Variants in ADARB2 observed in about 807,000 individuals in gnomAD.
ADARB2 encodes adenosine deaminase RNA specific B2 (inactive).
A neutral mutation model predicts 62.2 loss-of-function variants in ADARB2; 25 were observed. The observed-to-expected ratio is 0.40, with a 90% CI of 0.29 to 0.56. The LOEUF is 0.56. Ranked by LOEUF, ADARB2 falls within the 20% of genes least tolerant of loss-of-function variation. The pLI is 0.43. For synonymous variants in ADARB2, 572 were observed against 500.8 expected, an observed-to-expected ratio of 1.14 and a Z score of -1.90; for missense variants, 1,071 against 1,077.4, an observed-to-expected ratio of 0.99 and a Z score of 0.08.
At chr10:1,419,829 C>T (rs1832837814) in intron 1 of ADARB2, among the ~76,000 whole-genome samples, 1 of 152,198 alleles carries the variant, frequency 6.6e-6, no homozygotes, top group Non-Finnish European at 1.5e-5. Context: ...CGTTAGCTCT[C>T]ACATCTCTGC....
rs192135491 is a variant in ADARB2 at position 1,426,295 on chromosome 10, C to G, written c.101-47135G>C. On this transcript the variant is annotated intron_variant, in intron 1 of 9. Transcript: ENST00000381312. The surrounding 1 kb of genome is among the most constrained non-coding windows in gnomAD (Gnocchi z 4.1). ...GGCCTGCGTGGTCCTCTGAAATGTA[C>G]AGTTCTGTTGTCGTCACTGTGTATA... is the stretch of plus-strand genomic sequence containing the variant. 9.1e-4 allele frequency among the ~76,000 whole-genome samples: 138 copies of G among 152,282 alleles called. No individual in the cohort carries two copies. Among genetic ancestry groups the G allele is most frequent in the African/African-American group, 3.1e-3 (130 of 41,562 alleles).
intron 7 of ADARB2, among the ~76,000 whole-genome samples, chr10:1,206,062 C>G (rs1362412636): frequency 6.6e-6 from 1 of 152,194 alleles, no homozygotes; most frequent in South Asian, 2.1e-4. Context: ...CAGCCGCTTC[C>G]GATTATTTTC....
intron 8 of ADARB2, among the ~76,000 whole-genome samples, chr10:1,189,505 G>T (rs1194744162): frequency 6.6e-6 from 1 of 152,092 alleles, no homozygotes; most frequent in Non-Finnish European, 1.5e-5. Context: ...TGAAAGCCTG[G>T]CTTGTGTTTA....
At chr10:1,283,607 C>CATGT (rs1831388374) in intron 3 of ADARB2, among the ~76,000 whole-genome samples, 1 of 152,162 alleles carries the variant, frequency 6.6e-6, no homozygotes, top group Admixed American at 6.5e-5. Context: ...CTGTGTCCTT[C>CATGT]ATGTGGCTTA....
At chr10:1,556,881 T>A in intron 1 of ADARB2, 1 of 522,594 alleles carries the variant, frequency 1.9e-6, no homozygotes, top group South Asian at 1.4e-5. Flanking sequence ...GTTTGGTACC[T>A]GAATGAGGCC....
chr10:1,264,379 T>G (rs11250367), intron 4 of ADARB2, among the ~76,000 whole-genome samples: 3,664 of 152,318 alleles, frequency 0.024, 137 homozygotes, highest in African/African-American at 0.079. Flanking sequence ...AATAAACTCC[T>G]TATACTCCGC....
intron 1 of ADARB2, among the ~76,000 whole-genome samples, chr10:1,591,924 C>T (rs946767504): frequency 3.9e-5 from 6 of 152,192 alleles, no homozygotes; most frequent in African/African-American, 1.4e-4. Flanking sequence ...AACACAAGAT[C>T]GACCTCCGGC....
At chr10:1,716,544 A>T (rs1017474175) in intron 1 of ADARB2, among the ~76,000 whole-genome samples, 2 of 152,204 alleles carry the variant, frequency 1.3e-5, no homozygotes, top group African/African-American at 2.4e-5. Flanking sequence ...CCTCCAAAAC[A>T]GTTGTTTAAA....
At chr10:1,292,911 C>A (rs1250523644) in intron 3 of ADARB2, 1 of 143,542 alleles carries the variant, frequency 7.0e-6, no homozygotes, top group Non-Finnish European at 1.5e-5. Flanking sequence ...AATCCAAAGC[C>A]TTTGTTGCTA....
In ADARB2 at chr10:1,544,164, T is replaced by C. The variant is rs369816627; in HGVS notation, c.101-165004A>G. ...TCAGGACGGTCATGAAACCCCATGC[T>C]CTTGTTATGTGAATATTGAAAGCAA... On this transcript the variant is annotated intron_variant, in intron 1 of 9. Coordinates refer to ENST00000381312, the MANE Select transcript of ADARB2 (RefSeq NM_018702.4). Among the ~76,000 whole-genome samples, 10 of 152,168 alleles carry C rather than the reference T, an allele frequency of 6.6e-5. No individual in the cohort carries two copies. In the East Asian group the frequency reaches 1.5e-3, roughly 24 times the overall value.
chr10:1,269,822 G>T (rs963580946), intron 4 of ADARB2, among the ~76,000 whole-genome samples: 3 of 139,158 alleles, frequency 2.2e-5, no homozygotes, highest in Admixed American at 1.4e-4. Context: ...GTCACCTCCA[G>T]CAGGGATGAG....
chr10:1,451,299 A>G (rs969714403), intron 1 of ADARB2, among the ~76,000 whole-genome samples: 2 of 152,240 alleles, frequency 1.3e-5, no homozygotes, highest in African/African-American at 4.8e-5. Flanking sequence ...ACAGGGACAC[A>G]GGAGCGGTGT....
chr10:1,342,751 T>A (rs1245432599), intron 3 of ADARB2, among the ~76,000 whole-genome samples: 1 of 152,216 alleles, frequency 6.6e-6, no homozygotes, highest in African/African-American at 2.4e-5. Flanking sequence ...TGCAATGGGG[T>A]GACAAGCTGA....
chr10:1,463,856 C>A (rs1564297102), intron 1 of ADARB2, among the ~76,000 whole-genome samples: 1 of 151,958 alleles, frequency 6.6e-6, no homozygotes, highest in African/African-American at 2.4e-5. Flanking sequence ...AATAACCCAA[C>A]AAAAAATGGT....
chr10:1,183,933 G>A (rs1263825902), intron 9 of ADARB2, among the ~76,000 whole-genome samples: 1 of 152,194 alleles, frequency 6.6e-6, no homozygotes, highest in African/African-American at 2.4e-5. Context: ...TCACCGGGGG[G>A]TCACCTCGAG....
chr10:1,609,714 C>T (rs940726693), intron 1 of ADARB2, among the ~76,000 whole-genome samples: 6 of 152,248 alleles, frequency 3.9e-5, no homozygotes, highest in Admixed American at 3.3e-4. Flanking sequence ...ACAGGGAGCA[C>T]ATGGGCGGGG....
chr10:1,222,419 A>G lies in ADARB2; in HGVS notation c.1514-5300T>C, dbSNP rs959049079. On this transcript the variant is annotated intron_variant, in intron 6 of 9. Coordinates refer to ENST00000381312, the MANE Select transcript of ADARB2 (RefSeq NM_018702.4). ...TGCTGTGCAGAAGCTCTTTAGTTTA[A>G]TTAGATCCCATTTGTCAATCTTGGC... Among the ~76,000 whole-genome samples, 16 of 151,768 alleles carry G rather than the reference A, an allele frequency of 1.1e-4. 1 individual carries two copies. Among genetic ancestry groups the G allele is most frequent in the South Asian group, 8.3e-4 (4 of 4,820 alleles).
At chr10:1,559,419 G>A (rs1377301851) in intron 1 of ADARB2, among the ~76,000 whole-genome samples, 2 of 152,240 alleles carry the variant, frequency 1.3e-5, no homozygotes, top group African/African-American at 4.8e-5. Flanking sequence ...ATTCCCTGGG[G>A]AGGGTCCTCC....
intron 1 of ADARB2, among the ~76,000 whole-genome samples, chr10:1,520,055 G>A (rs1428470748): frequency 2.6e-5 from 4 of 152,154 alleles, no homozygotes; most frequent in African/African-American, 4.8e-5. Context: ...GGAAAAGCTC[G>A]CATTGGCATA....
Sources: allele counts gnomAD v4.1 joint callset (sites outside exome capture counted in the v4.1 genomes callset), GRCh38; gene constraint gnomAD v4.1.1; non-coding constraint Gnocchi (gnomAD v3.1); transcripts MANE v1.5; gene names NCBI Gene and HGNC (gene_info 2026-07-23, HGNC 2026-07-21).